The following KLF12 variants were observed in gnomAD, a reference collection of about 807,000 sequenced individuals.
The protein encoded by KLF12 is Krueppel-like factor 12.
In KLF12, 9 loss-of-function variants were observed where a neutral mutation model predicts 37.8. The ratio of observed to expected loss-of-function variants is 0.24; its 90% CI spans 0.14 to 0.42. The LOEUF (loss-of-function observed/expected upper bound fraction) is 0.42. KLF12 is among the 10% of genes least tolerant of loss of function. The pLI, the probability that KLF12 is intolerant of heterozygous loss-of-function variation, is 1.00. For synonymous variants in KLF12, 208 were observed against 202.1 expected (o/e 1.03, Z -0.25); for missense variants, 411 against 516.0 (o/e 0.80, Z 1.97).
At chr13:74,224,808 C>A in the KLF12 span, among the ~76,000 whole-genome samples, 1 of 151,926 alleles carries the variant, frequency 6.6e-6, no homozygotes, top group Non-Finnish European at 1.5e-5. Flanking sequence ...GTAATTTTAC[C>A]AAGCATGCCA....
intron 6 of KLF12, among the ~76,000 whole-genome samples, chr13:73,747,008 G>C (rs1878418991): frequency 6.6e-6 from 1 of 151,778 alleles, no homozygotes; most frequent in Non-Finnish European, 1.5e-5. Context: ...GTAGAGATGG[G>C]ATTTCACCAT....
chr13:74,193,893 A>G, the KLF12 span, among the ~76,000 whole-genome samples: 1 of 152,180 alleles, frequency 6.6e-6, no homozygotes. Context: ...ACAGAAATGT[A>G]TATTTATGTT....
intron 2 of KLF12, among the ~76,000 whole-genome samples, chr13:73,976,565 T>A (rs568998152): frequency 6.6e-6 from 1 of 152,286 alleles, no homozygotes; most frequent in South Asian, 2.1e-4. Context: ...GTTTGCAATT[T>A]TCTAATCCAT....
At chr13:73,744,308 C>A (rs1676500422) in intron 6 of KLF12, among the ~76,000 whole-genome samples, 1 of 152,164 alleles carries the variant, frequency 6.6e-6, no homozygotes, top group Non-Finnish European at 1.5e-5. Flanking sequence ...TATTTTGGAA[C>A]TTCAATTTCA....
intron 1 of KLF12, among the ~76,000 whole-genome samples, chr13:74,013,917 G>A (rs1399267415): frequency 6.6e-6 from 1 of 151,518 alleles, no homozygotes; most frequent in African/African-American, 2.4e-5. Flanking sequence ...TGGGCTCAAG[G>A]TATCCTCCCA....
At chr13:74,230,801 A>G in the KLF12 span, among the ~76,000 whole-genome samples, 2 of 152,014 alleles carry the variant, frequency 1.3e-5, no homozygotes, top group African/African-American at 4.8e-5. Context: ...TTTCTCTCCT[A>G]TGCTTCCATC....
chr13:73,894,003 G>A (rs1887637086), intron 3 of KLF12, among the ~76,000 whole-genome samples: 1 of 152,160 alleles, frequency 6.6e-6, no homozygotes, highest in African/African-American at 2.4e-5. Context: ...GGGCTCTTAG[G>A]AGCTGGCTAA....
At chr13:73,972,957 G>T (rs1891390416) in intron 2 of KLF12, among the ~76,000 whole-genome samples, 1 of 151,872 alleles carries the variant, frequency 6.6e-6, no homozygotes. Context: ...ATTTTAAACT[G>T]AAACACCAAG....
chr13:74,181,864 T>C, the KLF12 span, among the ~76,000 whole-genome samples: 1 of 152,296 alleles, frequency 6.6e-6, no homozygotes, highest in Admixed American at 6.5e-5. Flanking sequence ...TATTAGATGA[T>C]ATTAAGGAAT....
At chr13:74,226,022 C>G in the KLF12 span, among the ~76,000 whole-genome samples, 2 of 152,108 alleles carry the variant, frequency 1.3e-5, no homozygotes, top group Non-Finnish European at 2.9e-5. Flanking sequence ...CCCTTTCATG[C>G]TCTACCCAGG....
At chr13:73,841,062 C>T (rs962214639) in intron 4 of KLF12, among the ~76,000 whole-genome samples, 39 of 152,298 alleles carry the variant, frequency 2.6e-4, no homozygotes, top group Non-Finnish European at 4.7e-4. Flanking sequence ...CCTTATTTGT[C>T]TTCATAGCAC....
chr13:74,223,902 C>T, the KLF12 span, among the ~76,000 whole-genome samples: 66 of 152,236 alleles, frequency 4.3e-4, no homozygotes, highest in African/African-American at 1.5e-3. Context: ...TTTAACTTTC[C>T]TATATTTTGC....
chr13:74,029,594 AC>A (rs1893065691), intron 1 of KLF12, among the ~76,000 whole-genome samples: 1 of 152,016 alleles, frequency 6.6e-6, no homozygotes, highest in African/African-American at 2.4e-5. Context: ...GTATTTAGGA[AC>A]CCTATTAACG....
At chr13:74,118,124 A>T (rs1018292556) in intron 1 of KLF12, among the ~76,000 whole-genome samples, 9 of 152,158 alleles carry the variant, frequency 5.9e-5, no homozygotes, top group Non-Finnish European at 1.2e-4. Context: ...TGCTAGACAA[A>T]TATATTAAAG....
At chr13:74,049,420 C>T (rs180991978) in intron 1 of KLF12, among the ~76,000 whole-genome samples, 1 of 152,312 alleles carries the variant, frequency 6.6e-6, no homozygotes, top group Admixed American at 6.5e-5. Context: ...AGCCAGGTGA[C>T]TCTGCTGAGA....
chr13:74,302,200 A>G, the KLF12 span, among the ~76,000 whole-genome samples: 1 of 152,164 alleles, frequency 6.6e-6, no homozygotes, highest in Admixed American at 6.5e-5. Context: ...ACCAACAATT[A>G]TCTTTTCACA....
At chr13:74,134,753 C>A (rs1305461144), upstream of KLF12, among the ~76,000 whole-genome samples, 2 of 151,974 alleles carry the variant, frequency 1.3e-5, no homozygotes, top group African/African-American at 4.8e-5. Context: ...AGAAAGTCTC[C>A]TCTTTTGTGT....
chr13:74,279,837 C>T, the KLF12 span, among the ~76,000 whole-genome samples: 1 of 152,104 alleles, frequency 6.6e-6, no homozygotes, highest in African/African-American at 2.4e-5. Flanking sequence ...CCTCAAGTTC[C>T]ATGTTAAAAA....
At chr13:74,097,714 T>TTGTG (rs58698640) in intron 1 of KLF12, among the ~76,000 whole-genome samples, 444 of 147,366 alleles carry the variant, frequency 3.0e-3, no homozygotes, top group Middle Eastern at 6.8e-3. Context: ...ATATATGTAT[T>TTGTG]TGTGTGTGTG....
Sources: gnomAD v4.1 joint callset for allele counts (sites outside exome capture counted in the v4.1 genomes callset) on GRCh38, gnomAD v4.1.1 for gene constraint, MANE v1.5 for transcripts, NCBI Gene and HGNC (gene_info 2026-07-23, HGNC 2026-07-21) for gene names.